The following ZNF550 variants were observed in gnomAD, a reference collection of about 807,000 sequenced individuals.
ZNF550 encodes zinc finger protein 550.
In ZNF550, 42 loss-of-function variants were observed where a neutral mutation model predicts 40.2. That is an observed-to-expected ratio of 1.05 (90% CI 0.82 to 1.35). ZNF550 has a LOEUF of 1.35. Ranked by LOEUF, ZNF550 falls within the 40% of genes most tolerant of loss-of-function variation. The pLI is 0.00. For synonymous variants in ZNF550, 223 were observed against 198.6 expected, an observed-to-expected ratio of 1.12 and a Z score of -1.03; for missense variants, 549 against 525.2, an observed-to-expected ratio of 1.05 and a Z score of -0.44.
exon 4 of ZNF550, chr19:57,547,490 T>A: frequency 6.2e-7 from 1 of 1,613,144 alleles, no homozygotes; most frequent in Non-Finnish European, 8.5e-7. Context: ...CCGGTGTGGA[T>A]GAGGTAGTGC....
chr19:57,560,508 A>G (rs1269509586), upstream of ZNF550, among the ~76,000 whole-genome samples: 2 of 152,218 alleles, frequency 1.3e-5, no homozygotes, highest in Non-Finnish European at 2.9e-5. Flanking sequence ...TTGGGAAGAA[A>G]AAGTACACAT....
intron 3 of ZNF550, 66 bp downstream of exon 3, chr19:57,552,561 G>A (rs1422476718): frequency 1.7e-5 from 21 of 1,244,946 alleles, no homozygotes; most frequent in Non-Finnish European, 2.1e-5. Flanking sequence ...AAATTCAGAG[G>A]CAGTGGTGCC....
chr19:57,542,977 G>A (rs1007491389), exon 5 of ZNF550: 1 of 152,612 alleles, frequency 6.6e-6, no homozygotes, highest in African/African-American at 2.4e-5. Flanking sequence ...AATTTCTGCA[G>A]TTCTTCAAAG....
intron 3 of ZNF550, 45 bp downstream of exon 3, chr19:57,552,582 C>T (rs760137482): frequency 2.1e-6 from 3 of 1,457,944 alleles, no homozygotes; most frequent in Non-Finnish European, 2.8e-6. Context: ...CTCACATTAT[C>T]TGAAGACTGC....
intron 4 of ZNF550, chr19:57,546,357 A>C (rs1350157284): frequency 1.2e-5 from 5 of 413,692 alleles, no homozygotes; most frequent in Non-Finnish European, 1.6e-5. Flanking sequence ...TTAAAAAAAA[A>C]AAAAAGGAAT....
chr19:57,541,932 A>G (rs2089962956), exon 5 of ZNF550: 1 of 152,186 alleles, frequency 6.6e-6, no homozygotes, highest in African/African-American at 2.4e-5. Context: ...GACTGAAGAT[A>G]AATACAGTGT....
chr19:57,546,182 C>T (rs989113868), intron 4 of ZNF550, among the ~76,000 whole-genome samples: 29 of 152,022 alleles, frequency 1.9e-4, no homozygotes, highest in Non-Finnish European at 5.9e-5. Context: ...CTAATTTCTA[C>T]TAAATTCAAG....
intron 4 of ZNF550, chr19:57,544,001 AC>A: frequency 1.0e-6 from 1 of 985,462 alleles, no homozygotes; most frequent in Non-Finnish European, 1.2e-6. Flanking sequence ...ACAGAAGTTC[AC>A]AACTTTTACT....
intron 1 of ZNF550, among the ~76,000 whole-genome samples, chr19:57,558,539 T>C (rs2090142257): frequency 6.6e-6 from 1 of 152,166 alleles, no homozygotes; most frequent in African/African-American, 2.4e-5. Flanking sequence ...GGCACTCACA[T>C]TCCAGGGTTG....
chr19:57,552,491 C>T (rs1429186563), intron 3 of ZNF550, 136 bp downstream of exon 3: 1 of 649,544 alleles, frequency 1.5e-6, no homozygotes, highest in Non-Finnish European at 2.7e-6. Context: ...GACACTATGA[C>T]CCAAAGTGAG....
chr19:57,551,827 G>A (rs1412304595), intron 3 of ZNF550, among the ~76,000 whole-genome samples: 1 of 152,236 alleles, frequency 6.6e-6, no homozygotes, highest in Non-Finnish European at 1.5e-5. Flanking sequence ...GGGCAGAGAA[G>A]GCCAAATGTC....
chr19:57,542,559 T>C (rs1312309138), exon 5 of ZNF550: 2 of 151,748 alleles, frequency 1.3e-5, no homozygotes, highest in Admixed American at 6.6e-5. Context: ...CCATGAAATA[T>C]AGGATAGAAA....
At position 57,544,586 on chromosome 19, in the gene ZNF550, GA is replaced by G. The variant is rs963575041; in HGVS notation, c.*519-1344del. 5.1e-6 allele frequency: 5 copies of G among 984,870 alleles called. No homozygotes were observed. In the African/African-American group the frequency reaches 8.8e-5, roughly 17 times the overall value. 61.0% of individuals were successfully genotyped at this position (984,870 alleles called of 1,614,324 possible). A position where few individuals can be genotyped will look rare whatever the true frequency, so the allele number is the denominator to read the frequency against. On this transcript the variant is annotated intron_variant, in intron 4 of 4. Transcript: ENST00000457177. ...GAGAGGAAACTGTGCACTCTGTCCT[GA>G]AAAAACAAAAACAGAGAACTCTTAA... is the stretch of plus-strand genomic sequence containing the variant.
At position 57,554,601 on chromosome 19, in the gene ZNF550, T is replaced by C. The variant is rs1285656855; in HGVS notation, c.154+1630A>G. 1 of 152,246 alleles carries C rather than the reference T, an allele frequency of 6.6e-6. No homozygotes were observed. Among genetic ancestry groups the C allele is most frequent in the Non-Finnish European group, 1.5e-5 (1 of 68,052 alleles). The allele number at this position is 152,246 out of a possible 1,614,324, so 9.4% of individuals were successfully genotyped here. On this transcript the variant is annotated intron_variant, in intron 2 of 4. Coordinates refer to ENST00000457177, the Ensembl canonical transcript of ZNF550. This position sits in a 1 kb window ranked among gnomAD's most constrained non-coding sequence, Gnocchi z 4.5. ...TGGTGAGTAAAAGACAGGAGGATTC[T>C]GTATAGAAGACCAATGACTGAGGTA...
intron 4 of ZNF550, chr19:57,546,423 G>A (rs1047757041): frequency 5.3e-5 from 49 of 924,452 alleles, no homozygotes; most frequent in Middle Eastern, 5.5e-4. Context: ...TGATCTTACA[G>A]GGAAGTCTGT....
At chr19:57,559,379 C>T (rs969034308) in intron 1 of ZNF550, among the ~76,000 whole-genome samples, 60 of 152,290 alleles carry the variant, frequency 3.9e-4, no homozygotes, top group Non-Finnish European at 4.3e-4. Flanking sequence ...GGAAGAGCCA[C>T]GAGGAGGACT....
chr19:57,544,551 C>T, intron 4 of ZNF550: 5 of 985,418 alleles, frequency 5.1e-6, no homozygotes, highest in Non-Finnish European at 3.6e-6. Flanking sequence ...GTCAACTCTC[C>T]TTCCCACAGG....
rs2089977904 is a variant in ZNF550, at chr19:57,543,314, A to G, written c.*519-71T>C. ...GTGCATGAAGTTAAAGTGAACTCTG[A>G]CATTCCCCTCTACCCCATCCCTTCC... On this transcript the variant is annotated intron_variant, in intron 4 of 4. Transcript: ENST00000457177. The G allele has an allele frequency of 6.1e-6, 3 of 488,404 alleles. No homozygotes were observed. In the African/African-American group the frequency reaches 6.3e-5, roughly 10 times the overall value. 30.3% of individuals were successfully genotyped at this position (488,404 alleles called of 1,614,324 possible).
chr19:57,552,566 G>T, intron 3 of ZNF550, 61 bp downstream of exon 3: 1 of 1,291,766 alleles, frequency 7.7e-7, no homozygotes, highest in Non-Finnish European at 1.1e-6. Flanking sequence ...CAGAGGCAGT[G>T]GTGCCCTCAC....
Sources: allele counts gnomAD v4.1 joint callset (sites outside exome capture counted in the v4.1 genomes callset), GRCh38; gene constraint gnomAD v4.1.1; non-coding constraint Gnocchi (gnomAD v3.1); transcripts MANE v1.5; gene names NCBI Gene and HGNC (gene_info 2026-07-23, HGNC 2026-07-21).